Variants in DRC11 observed in about 807,000 individuals in gnomAD.
The protein encoded by DRC11 is IQ and AAA domain-containing protein 1.
the DRC11 span, among the ~76,000 whole-genome samples, chr2:236,498,281 C>A: frequency 1.3e-5 from 2 of 150,670 alleles, no homozygotes; most frequent in Admixed American, 6.6e-5. Context: ...CCCTGGCCAA[C>A]CCCGTCTCTA....
chr2:236,421,754 C>CA, the DRC11 span, among the ~76,000 whole-genome samples: 120 of 152,066 alleles, frequency 7.9e-4, no homozygotes, highest in Middle Eastern at 0.01. Flanking sequence ...AGAGACACAA[C>CA]AAAAAAAGAG....
chr2:236,486,667 AG>A, the DRC11 span, among the ~76,000 whole-genome samples: 1 of 152,192 alleles, frequency 6.6e-6, no homozygotes, highest in Non-Finnish European at 1.5e-5. The surrounding 1 kb of genome is among the most constrained non-coding windows in gnomAD (Gnocchi z 5.7). Context: ...TGATCTCTTC[AG>A]ATCTCCCTGG....
At chr2:236,390,153 G>T in the DRC11 span, among the ~76,000 whole-genome samples, 6 of 152,092 alleles carry the variant, frequency 3.9e-5, no homozygotes, top group Non-Finnish European at 5.9e-5. This position sits in a 1 kb window ranked among gnomAD's most constrained non-coding sequence, Gnocchi z 5.9. Context: ...ATATTTAGGT[G>T]CTTTGATTAA....
At chr2:236,455,102 T>C in the DRC11 span, 1 of 152,316 alleles carries the variant, frequency 6.6e-6, no homozygotes, top group Non-Finnish European at 1.5e-5. The surrounding 1 kb of genome is among the most constrained non-coding windows in gnomAD (Gnocchi z 5.7). Flanking sequence ...CCCAGGTTCC[T>C]AGGTGGCACA....
the DRC11 span, among the ~76,000 whole-genome samples, chr2:236,411,897 G>T: frequency 8.1e-6 from 1 of 123,654 alleles, no homozygotes; most frequent in Admixed American, 8.9e-5. Flanking sequence ...GGACTGTTGT[G>T]GGGTGGGGGG....
the DRC11 span, among the ~76,000 whole-genome samples, chr2:236,310,921 G>T: frequency 5.3e-5 from 8 of 152,224 alleles, no homozygotes; most frequent in African/African-American, 1.9e-4. This position sits in a 1 kb window ranked among gnomAD's most constrained non-coding sequence, Gnocchi z 5.5. Flanking sequence ...TCTGTCAGTT[G>T]TAGAATTCTA....
the DRC11 span, among the ~76,000 whole-genome samples, chr2:236,375,593 G>A: frequency 6.6e-6 from 1 of 152,052 alleles, no homozygotes; most frequent in Non-Finnish European, 1.5e-5. The surrounding 1 kb of genome is among the most constrained non-coding windows in gnomAD (Gnocchi z 4.2). Flanking sequence ...AAATGTGAGG[G>A]CTCCTTTAAG....
the DRC11 span, among the ~76,000 whole-genome samples, chr2:236,417,677 G>A: frequency 6.6e-6 from 1 of 151,802 alleles, no homozygotes; most frequent in Non-Finnish European, 1.5e-5. Context: ...CGTCATCTAG[G>A]TTTTAAGCCC....
the DRC11 span, chr2:236,368,531 G>A: frequency 2.1e-6 from 1 of 486,054 alleles, no homozygotes; most frequent in Admixed American, 3.8e-5. Context: ...AACTGGGAAT[G>A]ATGTTGACTA....
the DRC11 span, among the ~76,000 whole-genome samples, chr2:236,460,174 A>G: frequency 1.2e-3 from 181 of 152,338 alleles, no homozygotes; most frequent in Middle Eastern, 3.4e-3. The surrounding 1 kb of genome is among the most constrained non-coding windows in gnomAD (Gnocchi z 4.0). Context: ...TTGACCTTCC[A>G]TTACTTCAAA....
chr2:236,335,470 G>C, the DRC11 span, among the ~76,000 whole-genome samples: 3 of 152,156 alleles, frequency 2.0e-5, no homozygotes, highest in Non-Finnish European at 4.4e-5. This position sits in a 1 kb window ranked among gnomAD's most constrained non-coding sequence, Gnocchi z 5.6. Context: ...TTTATCATTT[G>C]CCCACAGGTG....
the DRC11 span, among the ~76,000 whole-genome samples, chr2:236,473,127 A>T: frequency 6.6e-6 from 1 of 152,248 alleles, no homozygotes; most frequent in Non-Finnish European, 1.5e-5. The surrounding 1 kb of genome is among the most constrained non-coding windows in gnomAD (Gnocchi z 4.8). Flanking sequence ...AGCAAATATG[A>T]TGAATAATGC....
the DRC11 span, among the ~76,000 whole-genome samples, chr2:236,451,692 G>A: frequency 6.6e-6 from 1 of 152,188 alleles, no homozygotes; most frequent in Non-Finnish European, 1.5e-5. Context: ...GGGTGTGAAG[G>A]CTCCAATCAG....
the DRC11 span, chr2:236,391,021 A>C: frequency 7.9e-5 from 12 of 152,122 alleles, no homozygotes; most frequent in East Asian, 2.3e-3. The surrounding 1 kb of genome is among the most constrained non-coding windows in gnomAD (Gnocchi z 4.5). Flanking sequence ...TCTTCAGTGC[A>C]TCTTTTTTTT....
chr2:236,373,872 C>G, the DRC11 span, among the ~76,000 whole-genome samples: 4 of 152,316 alleles, frequency 2.6e-5, no homozygotes, highest in Middle Eastern at 3.4e-3. Flanking sequence ...TGGGCCTTCT[C>G]TATGCTTCAT....
chr2:236,396,598 C>T, the DRC11 span, among the ~76,000 whole-genome samples: 1 of 152,000 alleles, frequency 6.6e-6, no homozygotes, highest in Admixed American at 6.5e-5. Flanking sequence ...AGTTGGCTTC[C>T]CATGGGAGCA....
chr2:236,443,977 G>T, the DRC11 span, among the ~76,000 whole-genome samples: 1 of 140,442 alleles, frequency 7.1e-6, no homozygotes, highest in Non-Finnish European at 1.5e-5. The surrounding 1 kb of genome is among the most constrained non-coding windows in gnomAD (Gnocchi z 4.4). Context: ...TTGGCCACAT[G>T]AATTTTTTTT....
chr2:236,312,671 A>C, the DRC11 span, among the ~76,000 whole-genome samples: 1 of 151,968 alleles, frequency 6.6e-6, no homozygotes, highest in Non-Finnish European at 1.5e-5. Flanking sequence ...AATCCCAAGA[A>C]ATAGAAGGAA....
chr2:236,481,437 T>C, the DRC11 span, among the ~76,000 whole-genome samples: 2 of 152,144 alleles, frequency 1.3e-5, no homozygotes, highest in Non-Finnish European at 1.5e-5. Flanking sequence ...ATTTTCTTAC[T>C]ATTGGCTCAG....
Sources: gnomAD v4.1 joint callset for allele counts (sites outside exome capture counted in the v4.1 genomes callset) on GRCh38, gnomAD v4.1.1 for gene constraint, Gnocchi (gnomAD v3.1) non-coding constraint, MANE v1.5 for transcripts, NCBI Gene and HGNC (gene_info 2026-07-23, HGNC 2026-07-21) for gene names.